Variants in AUTS2 observed in about 807,000 individuals in gnomAD.
The protein encoded by AUTS2 is activator of transcription and developmental regulator AUTS2.
Under a neutral mutation model 112.4 loss-of-function variants are expected in AUTS2, and 17 were observed. The observed-to-expected ratio is 0.15, with a 90% CI of 0.10 to 0.23. The LOEUF is 0.23. Ranked by LOEUF, AUTS2 falls within the 10% of genes least tolerant of loss-of-function variation. AUTS2 has a pLI of 1.00. For missense variants in AUTS2, 1,510 were observed against 1,701.6 expected (o/e 0.89, Z 1.98); for synonymous variants, 751 against 702.7 (o/e 1.07, Z -1.09).
At chr7:69,919,087 C>T (rs1288813589) in intron 2 of AUTS2, among the ~76,000 whole-genome samples, 2 of 152,128 alleles carry the variant, frequency 1.3e-5, no homozygotes, top group African/African-American at 4.8e-5. Context: ...TCATATATGT[C>T]GACCTAGTTC....
intron 4 of AUTS2, among the ~76,000 whole-genome samples, chr7:70,365,834 T>G (rs1360011025): frequency 6.6e-6 from 1 of 152,252 alleles, no homozygotes; most frequent in African/African-American, 2.4e-5. Context: ...TGACCAGATT[T>G]GTTCCTGACC....
chr7:69,689,665 T>A (rs188344343), intron 1 of AUTS2, among the ~76,000 whole-genome samples: 4,015 of 136,904 alleles, frequency 0.029, 113 homozygotes, highest in East Asian at 0.14. Flanking sequence ...TATTTATTTA[T>A]TTATTTATTT....
At chr7:70,547,317 C>T (rs2129516719) in intron 5 of AUTS2, among the ~76,000 whole-genome samples, 1 of 152,296 alleles carries the variant, frequency 6.6e-6, no homozygotes, top group African/African-American at 2.4e-5. Flanking sequence ...TGCAGTGGCG[C>T]AATCTCGGCT....
intron 5 of AUTS2, among the ~76,000 whole-genome samples, chr7:70,520,380 C>T (rs1266284648): frequency 2.0e-5 from 3 of 152,142 alleles, no homozygotes; most frequent in African/African-American, 7.2e-5. Flanking sequence ...CATGTTCCAG[C>T]CTCACTGGCC....
intron 2 of AUTS2, among the ~76,000 whole-genome samples, chr7:70,022,611 G>C (rs1195869978): frequency 6.6e-6 from 1 of 152,116 alleles, no homozygotes; most frequent in Non-Finnish European, 1.5e-5. Flanking sequence ...ATGAGCCACT[G>C]CACCTGGCCT....
chr7:69,817,756 C>T (rs1033795573), intron 1 of AUTS2, among the ~76,000 whole-genome samples: 1 of 152,084 alleles, frequency 6.6e-6, no homozygotes, highest in Admixed American at 6.6e-5. Context: ...CAGCCCTGCC[C>T]GGGGATGTGG....
intron 4 of AUTS2, among the ~76,000 whole-genome samples, chr7:70,218,962 A>G (rs1811321993): frequency 6.6e-6 from 1 of 152,176 alleles, no homozygotes; most frequent in Admixed American, 6.5e-5. Flanking sequence ...AATAGTAGTA[A>G]GATTTAGAGT....
At chr7:70,086,273 C>A (rs1258395944) in intron 2 of AUTS2, among the ~76,000 whole-genome samples, 1 of 152,164 alleles carries the variant, frequency 6.6e-6, no homozygotes, top group Non-Finnish European at 1.5e-5. Flanking sequence ...GATATCTTAG[C>A]AGTATTGAGT....
At chr7:70,681,368 C>T (rs1356466448) in intron 5 of AUTS2, among the ~76,000 whole-genome samples, 1 of 152,112 alleles carries the variant, frequency 6.6e-6, no homozygotes, top group Admixed American at 6.5e-5. Context: ...TGCCCCCACC[C>T]GCTGTCACTT....
At chr7:69,660,512 A>G (rs142655564) in intron 1 of AUTS2, among the ~76,000 whole-genome samples, 24 of 152,198 alleles carry the variant, frequency 1.6e-4, no homozygotes, top group Non-Finnish European at 3.4e-4. Context: ...TGCAGATCCT[A>G]ACTGTTGGCA....
chr7:70,730,058 A>G (rs930869731), intron 6 of AUTS2, among the ~76,000 whole-genome samples: 2 of 151,944 alleles, frequency 1.3e-5, no homozygotes, highest in African/African-American at 2.4e-5. Context: ...AATTTTTTGT[A>G]TATTTAGTAG....
intron 2 of AUTS2, among the ~76,000 whole-genome samples, chr7:70,038,996 T>C (rs1801130621): frequency 6.6e-6 from 1 of 152,038 alleles, no homozygotes; most frequent in Non-Finnish European, 1.5e-5. Context: ...TGGCCTCAGG[T>C]GATCCACCTG....
At chr7:69,619,595 T>C (rs1216864841) in intron 1 of AUTS2, among the ~76,000 whole-genome samples, 1 of 152,154 alleles carries the variant, frequency 6.6e-6, no homozygotes, top group Non-Finnish European at 1.5e-5. Flanking sequence ...GACTGTACCC[T>C]CTTTCAGAAG....
intron 2 of AUTS2, among the ~76,000 whole-genome samples, chr7:70,029,260 C>CTTTTTTTTTT (rs34751901): frequency 1.6e-5 from 2 of 124,814 alleles, no homozygotes; most frequent in Admixed American, 8.1e-5. Context: ...TCCAGGGATA[C>CTTTTTTTTTT]TTTTTTTTTT....
At chr7:70,336,418 C>G (rs1790992650) in intron 4 of AUTS2, among the ~76,000 whole-genome samples, 1 of 151,962 alleles carries the variant, frequency 6.6e-6, no homozygotes, top group Non-Finnish European at 1.5e-5. Flanking sequence ...TTGATAAATG[C>G]CTATGTTTTC....
intron 4 of AUTS2, among the ~76,000 whole-genome samples, chr7:70,254,423 C>T (rs928577742): frequency 6.6e-6 from 1 of 152,112 alleles, no homozygotes; most frequent in Admixed American, 6.5e-5. Context: ...CAAATACCTA[C>T]AAAGACCATC....
intron 1 of AUTS2, among the ~76,000 whole-genome samples, chr7:69,681,085 A>G (rs1282159450): frequency 6.6e-6 from 1 of 152,230 alleles, no homozygotes; most frequent in South Asian, 2.1e-4. Flanking sequence ...ATATGACAGA[A>G]TTTTCTTTCT....
chr7:70,766,064 T>C lies in AUTS2; in HGVS notation c.1469-50T>C. On this transcript the variant is annotated intron_variant, in intron 8 of 18. Coordinates refer to ENST00000342771, the MANE Select transcript of AUTS2 (RefSeq NM_015570.4). This position sits in a 1 kb window ranked among gnomAD's most constrained non-coding sequence, Gnocchi z 4.8. ...CCCTCCACAGGAAGGCAGTCCGATG[T>C]CCTTTTCTGAAGGAAAAGGCGTCAT... The C allele has an allele frequency of 6.3e-7, 1 of 1,588,056 alleles. No individual in the cohort carries two copies. Among genetic ancestry groups the C allele is most frequent in the Non-Finnish European group, 8.6e-7 (1 of 1,163,910 alleles).
intron 5 of AUTS2, among the ~76,000 whole-genome samples, chr7:70,496,540 G>C (rs13308491): frequency 3.5e-5 from 2 of 57,782 alleles, no homozygotes; most frequent in Non-Finnish European, 6.5e-5. Context: ...CACACACCAC[G>C]TACACAGTCA....
Sources: allele counts gnomAD v4.1 joint callset (sites outside exome capture counted in the v4.1 genomes callset), GRCh38; gene constraint gnomAD v4.1.1; non-coding constraint Gnocchi (gnomAD v3.1); transcripts MANE v1.5; gene names NCBI Gene and HGNC (gene_info 2026-07-23, HGNC 2026-07-21).